SCP2: variants seen among roughly 807,000 people sequenced by gnomAD.
The protein encoded by SCP2 is sterol carrier protein 2, also known as SCP-2/3-oxoacyl-CoA thiolase.
SCP2 carries 48 observed loss-of-function variants against 71.4 expected under a neutral mutation model. The observed-to-expected ratio is 0.67, with a 90% CI of 0.53 to 0.86. SCP2 has a LOEUF of 0.86. SCP2 is among the 40% of genes least tolerant of loss of function. The pLI is 0.00. For missense variants in SCP2, 560 were observed against 655.6 expected, an observed-to-expected ratio of 0.85 and a Z score of 1.59; for synonymous variants, 220 against 218.1, an observed-to-expected ratio of 1.01 and a Z score of -0.08.
intron 12 of SCP2, among the ~76,000 whole-genome samples, chr1:53,019,312 C>G (rs535341744): frequency 6.6e-6 from 1 of 152,162 alleles, no homozygotes; most frequent in East Asian, 1.9e-4. Context: ...AAGAGCTTTC[C>G]CTTGTCTTCC....
intron 13 of SCP2, among the ~76,000 whole-genome samples, chr1:53,032,452 G>C (rs1296084677): frequency 6.6e-6 from 1 of 152,216 alleles, no homozygotes; most frequent in Non-Finnish European, 1.5e-5. Flanking sequence ...TGTGAGCTGA[G>C]ATTTGAATGA....
chr1:53,039,634 A>G (rs1663278179), intron 14 of SCP2, among the ~76,000 whole-genome samples: 1 of 152,150 alleles, frequency 6.6e-6, no homozygotes, highest in Admixed American at 6.5e-5. Context: ...ATGATATTAC[A>G]CTTACACGTT....
intron 11 of SCP2, among the ~76,000 whole-genome samples, chr1:52,989,682 G>A (rs963448435): frequency 1.3e-5 from 2 of 152,142 alleles, no homozygotes; most frequent in Non-Finnish European, 2.9e-5. Context: ...AGTGCAAAGA[G>A]TATTTTCCCT....
intron 11 of SCP2, among the ~76,000 whole-genome samples, chr1:53,009,357 C>T (rs368281853): frequency 1.6e-4 from 24 of 152,266 alleles, no homozygotes; most frequent in South Asian, 1.0e-3. Flanking sequence ...GGAGGCATCA[C>T]GCTACCTGAC....
rs545590759 is a variant in SCP2 at position 52,973,233 on chromosome 1, CTAG to C, written c.524-1535_524-1533del. ...AAATGCTTCATACTTTAATCCTCTT[CTAG>C]ATGGTCATAATGCACATAGTGCAAT... On this transcript the variant is annotated intron_variant, in intron 6 of 15. Coordinates refer to ENST00000371514, the MANE Select transcript of SCP2 (RefSeq NM_002979.5). Among the ~76,000 whole-genome samples the C allele has an allele frequency of 6.6e-5, 10 of 152,260 alleles. No individual in the cohort carries two copies. The East Asian group carries it at 1.9e-3, about 29-fold the overall frequency.
intron 10 of SCP2, among the ~76,000 whole-genome samples, chr1:52,981,963 C>T (rs1013259028): frequency 3.3e-5 from 5 of 151,972 alleles, no homozygotes; most frequent in African/African-American, 1.2e-4. Context: ...TTCCTCTGTG[C>T]CCCTCCTCTT....
chr1:53,019,484 T>C (rs1023520475), intron 12 of SCP2, among the ~76,000 whole-genome samples: 2 of 152,320 alleles, frequency 1.3e-5, no homozygotes, highest in African/African-American at 4.8e-5. Flanking sequence ...TTTTTCCCTA[T>C]GATTCCTTTT....
rs556251361 is a variant in SCP2, at chr1:53,005,850, A to G, written c.1082-9040A>G. The stretch of plus-strand genomic sequence containing the variant: ...TCTCTGAGCTAAAGGAGGATGTTCA[A>G]ACCCATCGCAAAGAAGCTAAAAACC... On this transcript the variant is annotated intron_variant, in intron 11 of 15. Coordinates refer to ENST00000371514, the MANE Select transcript of SCP2 (RefSeq NM_002979.5). 1.2e-4 allele frequency among the ~76,000 whole-genome samples: 18 copies of G among 152,354 alleles called. No homozygotes were observed. In the East Asian group the frequency reaches 2.5e-3, roughly 21 times the overall value.
In SCP2 at chr1:53,015,042, A is replaced by G. The variant is rs201094447; in HGVS notation, c.1234A>G (p.Ser412Gly). 8.6e-4 allele frequency: 1,389 copies of G among 1,614,082 alleles called. No individual in the cohort carries two copies. The highest frequency in any genetic ancestry group is 1.1e-3 in the Non-Finnish European group (1,292 of 1,179,906). Residue 412 changes from serine to glycine, a missense_variant and splice_region_variant, in exon 12 of 16, where the codon AGT becomes GGT. Physicochemically the swap from Ser to Gly is moderately conservative, Grantham distance 56. Around this residue, in one of 3 missense-constraint regions of SCP2, gnomAD observed 513 missense variants for 573.1 expected, o/e 0.90. Transcript: ENST00000371514. ...CAAGATGGGTTTTCCGGAAGCCGCC[A>G]GGTGAGTGACATTCAGAGTTTTGTG... Reference protein sequence around the residue: ...LYKMGFPEAASSFRTHQIEAV... With the variant: ...LYKMGFPEAAGSFRTHQIEAV...
intron 5 of SCP2, among the ~76,000 whole-genome samples, chr1:52,958,598 T>C (rs1656042058): frequency 8.2e-6 from 1 of 121,496 alleles, no homozygotes; most frequent in Admixed American, 7.7e-5. Context: ...TCTTTTTTAG[T>C]TTGTTAATAT....
intron 6 of SCP2, among the ~76,000 whole-genome samples, chr1:52,971,817 A>G (rs1178920390): frequency 6.6e-6 from 1 of 152,232 alleles, no homozygotes; most frequent in East Asian, 1.9e-4. Context: ...CAAACAAGAT[A>G]GGTCAGATAG....
At chr1:53,032,860 G>T (rs1461299708) in intron 13 of SCP2, among the ~76,000 whole-genome samples, 2 of 152,094 alleles carry the variant, frequency 1.3e-5, no homozygotes, top group Non-Finnish European at 2.9e-5. Context: ...CCAACTATTT[G>T]TATGGTTTTG....
chr1:53,039,130 G>C lies in SCP2; in HGVS notation c.1468+84G>C, dbSNP rs1663236527. On this transcript the variant is annotated intron_variant, in intron 14 of 15. Coordinates refer to ENST00000371514, the MANE Select transcript of SCP2 (RefSeq NM_002979.5). ...TGGGAAAATGGGGGTCTGCTTTACT[G>C]TTCCCAAAAAGGACTGGCTTTTAAT... 8 of 1,531,422 alleles carry C rather than the reference G, an allele frequency of 5.2e-6. No individual in the cohort carries two copies. The Admixed American group carries it at 1.2e-4, about 23-fold the overall frequency. The allele number at this position is 1,531,422 out of a possible 1,614,324, so 94.9% of individuals were successfully genotyped here.
intron 11 of SCP2, among the ~76,000 whole-genome samples, chr1:53,007,669 A>T (rs1371223726): frequency 6.6e-6 from 1 of 152,218 alleles, no homozygotes; most frequent in Non-Finnish European, 1.5e-5. Context: ...TACACAAGAG[A>T]AAGCAGGAAA....
chr1:53,004,817 G>A (rs1258849778), intron 11 of SCP2, among the ~76,000 whole-genome samples: 3 of 152,198 alleles, frequency 2.0e-5, no homozygotes, highest in Non-Finnish European at 4.4e-5. Flanking sequence ...AGCTGAAGCA[G>A]GGCAGGGCAT....
Position 53,034,601 on chromosome 1 carries a change from AG to A in SCP2, c.1339-4314del, listed in dbSNP as rs112775044. Among the ~76,000 whole-genome samples the A allele has an allele frequency of 6.2e-3, 949 of 152,316 alleles. 16 individuals carry two copies. Among genetic ancestry groups the A allele is most frequent in the African/African-American group, 0.022 (912 of 41,558 alleles). ...AATATTTTAAAAGAGTGAATTTTAT[AG>A]GATATAAATTATATCTCAATGCTGT... On this transcript the variant is annotated intron_variant, in intron 13 of 15. Coordinates refer to ENST00000371514, the MANE Select transcript of SCP2 (RefSeq NM_002979.5).
rs987438106 is a variant in SCP2 at position 52,927,323 on chromosome 1, C to A, written c.-74C>A. The A allele has an allele frequency of 2.3e-6, 3 of 1,322,830 alleles. No individual in the cohort carries two copies. Among genetic ancestry groups the A allele is most frequent in the African/African-American group, 1.5e-5 (1 of 68,856 alleles). The allele number at this position is 1,322,830 out of a possible 1,614,324, so 81.9% of individuals were successfully genotyped here. A position where few individuals can be genotyped will look rare whatever the true frequency, so the allele number is the denominator to read the frequency against. ...GGCCCTGGCTTCGGGCTTCAGGGAGCTCTGGTGCAGTCTCCGCCTGTCAGT... is the reference window on the plus strand; with the variant it reads ...GGCCCTGGCTTCGGGCTTCAGGGAGATCTGGTGCAGTCTCCGCCTGTCAGT... On this transcript the variant is annotated 5_prime_UTR_variant, in exon 1 of 16. Transcript: ENST00000371514.
intron 13 of SCP2, among the ~76,000 whole-genome samples, chr1:53,032,219 T>A (rs928140852): frequency 4.6e-5 from 7 of 152,236 alleles, no homozygotes; most frequent in Non-Finnish European, 1.0e-4. Context: ...CAGTGTGGTA[T>A]GGTCAAATGG....
chr1:53,030,178 G>A (rs1048590315), intron 13 of SCP2, among the ~76,000 whole-genome samples: 10 of 152,090 alleles, frequency 6.6e-5, no homozygotes, highest in Non-Finnish European at 5.9e-5. Flanking sequence ...ATGAGCCATC[G>A]TGCCCGGCCG....
Sources: allele counts gnomAD v4.1 joint callset (sites outside exome capture counted in the v4.1 genomes callset), GRCh38; gene constraint gnomAD v4.1.1; regional missense constraint gnomAD v4.1.1; transcripts MANE v1.5; gene names NCBI Gene and HGNC (gene_info 2026-07-23, HGNC 2026-07-21).